The following CRPPA variants were observed in gnomAD, a reference collection of about 807,000 sequenced individuals.
CRPPA encodes D-ribitol-5-phosphate cytidylyltransferase.
Under a neutral mutation model 52.0 loss-of-function variants are expected in CRPPA, and 43 were observed. That is an observed-to-expected ratio of 0.83 (90% CI 0.65 to 1.07). CRPPA has a LOEUF of 1.07. CRPPA is among the 50% of genes least tolerant of loss of function. The probability of loss-of-function intolerance (pLI) is 0.00; values close to 1 mark genes in which losing one functional copy is unlikely to be tolerated. For missense variants in CRPPA, 629 were observed against 551.7 expected, an observed-to-expected ratio of 1.14 and a Z score of -1.40; for synonymous variants, 250 against 203.5, an observed-to-expected ratio of 1.23 and a Z score of -1.94.
At chr7:16,123,146 T>C (rs1212734254) in intron 9 of CRPPA, among the ~76,000 whole-genome samples, 1 of 152,130 alleles carries the variant, frequency 6.6e-6, no homozygotes, top group Non-Finnish European at 1.5e-5. Context: ...TCAAAAAAGC[T>C]ATGAGAAATT....
intron 9 of CRPPA, among the ~76,000 whole-genome samples, chr7:16,110,044 G>A (rs1055726160): frequency 4.0e-5 from 6 of 151,750 alleles, no homozygotes; most frequent in Non-Finnish European, 8.8e-5. Context: ...TATATATATA[G>A]AAAGCTGTTA....
At position 16,136,930 on chromosome 7, in the gene CRPPA, C is replaced by T. The variant is rs17169281; in HGVS notation, c.1252-45131G>A. 1.5e-3 allele frequency among the ~76,000 whole-genome samples: 229 copies of T among 152,260 alleles called. No homozygotes were observed. In the East Asian group the frequency reaches 0.021, roughly 14 times the overall value. On this transcript the variant is annotated intron_variant, in intron 9 of 9. Transcript: ENST00000407010. ...CTCTATAATGTGGGCCAAGTTTAAA[C>T]CCATTAAGATAATTTTTTAGAAACT...
chr7:16,162,271 G>A (rs1780915917), intron 9 of CRPPA, among the ~76,000 whole-genome samples: 2 of 152,008 alleles, frequency 1.3e-5, no homozygotes, highest in Admixed American at 6.6e-5. Flanking sequence ...GTGATATGAG[G>A]GTGTCAATTT....
rs188333022 is a variant in CRPPA at position 16,106,503 on chromosome 7, C to A, written c.1252-14704G>T. On this transcript the variant is annotated intron_variant, in intron 9 of 9. Transcript: ENST00000407010. Reference sequence around the variant, plus strand: ...CAGCCACCAGACAGCAGAGCCCAACCAGTAGCCCCACCTGACATTTGAGCA... The same window carrying A: ...CAGCCACCAGACAGCAGAGCCCAACAAGTAGCCCCACCTGACATTTGAGCA... Among the ~76,000 whole-genome samples the A allele has an allele frequency of 5.9e-5, 9 of 152,294 alleles. No homozygotes were observed. The East Asian group carries it at 1.4e-3, about 23-fold the overall frequency.
At chr7:16,330,902 G>C (rs1201250110) in intron 3 of CRPPA, among the ~76,000 whole-genome samples, 3 of 152,138 alleles carry the variant, frequency 2.0e-5, no homozygotes, top group Non-Finnish European at 4.4e-5. Flanking sequence ...CTCCATGTGG[G>C]AGAAGGGACA....
At chr7:16,131,364 A>C (rs1029526172) in intron 9 of CRPPA, among the ~76,000 whole-genome samples, 2 of 152,316 alleles carry the variant, frequency 1.3e-5, no homozygotes, top group Non-Finnish European at 2.9e-5. Flanking sequence ...GATAATAATA[A>C]GGAAGGGAAA....
At chr7:16,129,414 T>C (rs887137134) in intron 9 of CRPPA, among the ~76,000 whole-genome samples, 12 of 152,122 alleles carry the variant, frequency 7.9e-5, no homozygotes, top group Admixed American at 1.3e-4. Flanking sequence ...ATTCATTCCA[T>C]TCCTCCTCCT....
intron 3 of CRPPA, among the ~76,000 whole-genome samples, chr7:16,325,947 G>C (rs1785376946): frequency 6.6e-6 from 1 of 150,926 alleles, no homozygotes; most frequent in South Asian, 2.1e-4. Flanking sequence ...AGCTATCCAA[G>C]AACTACTGTT....
intron 9 of CRPPA, among the ~76,000 whole-genome samples, chr7:16,190,194 C>A (rs1484344739): frequency 6.6e-6 from 1 of 152,168 alleles, no homozygotes; most frequent in East Asian, 1.9e-4. Context: ...CTAGCATGTG[C>A]CTATACCTGC....
chr7:16,123,621 A>T (rs1782519393), intron 9 of CRPPA, among the ~76,000 whole-genome samples: 1 of 152,170 alleles, frequency 6.6e-6, no homozygotes, highest in Non-Finnish European at 1.5e-5. Context: ...AAACTCTAAG[A>T]TATGGGTTGT....
At chr7:16,109,908 C>G (rs1249801095) in intron 9 of CRPPA, among the ~76,000 whole-genome samples, 1 of 152,010 alleles carries the variant, frequency 6.6e-6, no homozygotes, top group Non-Finnish European at 1.5e-5. Flanking sequence ...CATGCCCACA[C>G]TTACCACTTC....
In CRPPA at chr7:16,329,941, C is replaced by T. The variant is rs1785509531; in HGVS notation, c.685-21314G>A. ...GCCACATAATATTGATTGTTTCAAA[C>T]ATTTTCAATAATCTTTCCTAAATTT... On this transcript the variant is annotated intron_variant, in intron 3 of 9. Transcript: ENST00000407010. Among the ~76,000 whole-genome samples the T allele has an allele frequency of 2.0e-5, 3 of 152,288 alleles. No individual in the cohort carries two copies. In the South Asian group the frequency reaches 6.2e-4, roughly 32 times the overall value.
In CRPPA at chr7:16,421,175, C is replaced by G; in HGVS notation, c.148G>C (p.Val50Leu). ...TCCCCGCACCCCCCGGCAGGCAACA[C>G]AGCTGCCACGGCTTGCGGGTGGCGC... ...PGRHPQAVAA[V>L]LPAGGCGERM... Residue 50 changes from valine to leucine, a missense_variant, in exon 1 of 10, where the codon GTG (valine) becomes CTG (leucine). Val to Leu is a conservative substitution (Grantham distance 32). Coordinates refer to ENST00000407010, the MANE Select transcript of CRPPA (RefSeq NM_001101426.4). 2 of 1,341,208 alleles carry G rather than the reference C, an allele frequency of 1.5e-6. No homozygotes were observed. Among genetic ancestry groups the G allele is most frequent in the Non-Finnish European group, 9.6e-7 (1 of 1,040,720 alleles). The allele number at this position is 1,341,208 out of a possible 1,614,324, so 83.1% of individuals were successfully genotyped here. A position where few individuals can be genotyped will look rare whatever the true frequency, so the allele number is the denominator to read the frequency against.
chr7:16,186,157 C>G (rs1452323292), intron 9 of CRPPA, among the ~76,000 whole-genome samples: 1 of 152,138 alleles, frequency 6.6e-6, no homozygotes, highest in African/African-American at 2.4e-5. Flanking sequence ...CAGTTACTTT[C>G]TTTGGAGGAT....
chr7:16,283,158 T>A (rs1284644946), intron 5 of CRPPA, among the ~76,000 whole-genome samples: 5 of 151,704 alleles, frequency 3.3e-5, no homozygotes, highest in African/African-American at 1.2e-4. Context: ...AAAGGGTCTA[T>A]CATATATAGA....
At chr7:16,346,072 T>C (rs1214146619) in intron 3 of CRPPA, among the ~76,000 whole-genome samples, 1 of 152,166 alleles carries the variant, frequency 6.6e-6, no homozygotes, top group Non-Finnish European at 1.5e-5. Flanking sequence ...ATCTCAAATA[T>C]AAAACTGTTT....
At chr7:16,418,217 C>A (rs548431324) in intron 1 of CRPPA, among the ~76,000 whole-genome samples, 1 of 152,072 alleles carries the variant, frequency 6.6e-6, no homozygotes, top group Non-Finnish European at 1.5e-5. Flanking sequence ...CTAGGATATA[C>A]CCAAAATATA....
At chr7:16,147,372 A>T (rs917749747) in intron 9 of CRPPA, among the ~76,000 whole-genome samples, 2 of 152,306 alleles carry the variant, frequency 1.3e-5, no homozygotes, top group South Asian at 2.1e-4. Context: ...ACTCCCAGGG[A>T]TTAACCCCCA....
chr7:16,162,629 G>A (rs1293983199), intron 9 of CRPPA, among the ~76,000 whole-genome samples: 2 of 152,196 alleles, frequency 1.3e-5, no homozygotes, highest in Non-Finnish European at 2.9e-5. Context: ...CGTGTGATGT[G>A]GTGCTGAGAA....
Sources: allele counts gnomAD v4.1 joint callset (sites outside exome capture counted in the v4.1 genomes callset), GRCh38; gene constraint gnomAD v4.1.1; transcripts MANE v1.5; gene names NCBI Gene and HGNC (gene_info 2026-07-23, HGNC 2026-07-21).